The following FRYL variants were observed in gnomAD, a reference collection of about 807,000 sequenced individuals.
FRYL encodes FRY like transcription coactivator.
Under a neutral mutation model 351.2 loss-of-function variants are expected in FRYL, and 150 were observed. The ratio of observed to expected loss-of-function variants is 0.43; its 90% CI spans 0.37 to 0.49. The LOEUF is 0.49. FRYL is among the 20% of genes least tolerant of loss of function. The pLI is 0.00. For missense variants in FRYL, 3,036 were observed against 3,619.3 expected (o/e 0.84, Z 4.13); for synonymous variants, 1,153 against 1,257.1 (o/e 0.92, Z 1.75).
intron 1 of FRYL, among the ~76,000 whole-genome samples, chr4:48,735,976 A>T (rs10440177): frequency 0.013 from 9 of 710 alleles, no homozygotes; most frequent in Admixed American, 0.12. Context: ...TATAATAAAA[A>T]AAAAAAAAAA....
At chr4:48,551,384 G>T in intron 37 of FRYL, 110 bp downstream of exon 37, 2 of 594,502 alleles carry the variant, frequency 3.4e-6, no homozygotes, top group Non-Finnish European at 2.8e-6. Flanking sequence ...TTTTTCACTC[G>T]AATTTTAACA....
At chr4:48,689,661 C>T (rs1240452226) in intron 2 of FRYL, among the ~76,000 whole-genome samples, 1 of 152,150 alleles carries the variant, frequency 6.6e-6, no homozygotes, top group African/African-American at 2.4e-5. Flanking sequence ...ACAAAAATCC[C>T]TATCCTTGCG....
At chr4:48,517,331 C>A (rs1339440984) in intron 55 of FRYL, among the ~76,000 whole-genome samples, 1 of 152,144 alleles carries the variant, frequency 6.6e-6, no homozygotes, top group Non-Finnish European at 1.5e-5. Context: ...TTCACACCTG[C>A]AGTGGATTGT....
intron 50 of FRYL, among the ~76,000 whole-genome samples, chr4:48,529,740 G>C (rs1560544406): frequency 6.6e-6 from 1 of 152,100 alleles, no homozygotes; most frequent in Non-Finnish European, 1.5e-5. Flanking sequence ...TTCTTGAAAA[G>C]TTCCTCCCTT....
rs1313283982 is a variant in FRYL at position 48,713,105 on chromosome 4, G to A, written c.-383-2407C>T. Among the ~76,000 whole-genome samples the A allele has an allele frequency of 4.6e-5, 7 of 152,062 alleles. No individual in the cohort carries two copies. The East Asian group carries it at 1.4e-3, about 29-fold the overall frequency. The stretch of plus-strand genomic sequence containing the variant: ...CACTAAACATGGAAAGGAACGACCG[G>A]TACCAGCCGCTGCAAAATCATGCCA... On this transcript the variant is annotated intron_variant, in intron 1 of 63. Transcript: ENST00000358350.
chr4:48,638,404 G>A lies in FRYL; in HGVS notation c.-80-3914C>T, dbSNP rs955063647. On this transcript the variant is annotated intron_variant, in intron 3 of 63. Coordinates refer to ENST00000358350, the MANE Select transcript of FRYL (RefSeq NM_015030.2). ...AAAAAAATATCTGTGACTTTACAAT[G>A]AGATACCATCTCACGCCAGTTAGAA... is the stretch of plus-strand genomic sequence containing the variant. The A allele has an allele frequency of 8.5e-5, 13 of 152,246 alleles. No homozygotes were observed. In the East Asian group the frequency reaches 9.6e-4, roughly 11 times the overall value. 9.4% of individuals were successfully genotyped at this position (152,246 alleles called of 1,614,324 possible).
intron 1 of FRYL, among the ~76,000 whole-genome samples, chr4:48,745,401 C>T (rs1265868849): frequency 6.6e-6 from 1 of 152,160 alleles, no homozygotes; most frequent in East Asian, 1.9e-4. Flanking sequence ...GGCACATATA[C>T]ACCGTGGAAT....
intron 3 of FRYL, among the ~76,000 whole-genome samples, chr4:48,654,673 C>T (rs1010746749): frequency 3.3e-5 from 5 of 152,174 alleles, no homozygotes; most frequent in Non-Finnish European, 5.9e-5. Flanking sequence ...TAATATAGCA[C>T]ATAATTCCCA....
chr4:48,573,635 C>T (rs538822528), intron 25 of FRYL, among the ~76,000 whole-genome samples: 1 of 152,060 alleles, frequency 6.6e-6, no homozygotes, highest in African/African-American at 2.4e-5. Context: ...CTGCAACTTA[C>T]GCCTCCCGGA....
At chr4:48,521,023 T>C (rs1361306577) in intron 55 of FRYL, 25 bp downstream of exon 55, 1 of 1,577,032 alleles carries the variant, frequency 6.3e-7, no homozygotes, top group African/African-American at 1.4e-5. Flanking sequence ...AGATTGGCCA[T>C]GCACCAGCCT....
chr4:48,614,260 C>G (rs1748871168), intron 7 of FRYL, among the ~76,000 whole-genome samples: 1 of 152,032 alleles, frequency 6.6e-6, no homozygotes, highest in Non-Finnish European at 1.5e-5. Context: ...AACTGAATTT[C>G]CAAAGAAGAA....
chr4:48,748,855 G>A (rs1281036505), intron 1 of FRYL, among the ~76,000 whole-genome samples: 4 of 152,172 alleles, frequency 2.6e-5, no homozygotes, highest in Non-Finnish European at 5.9e-5. Context: ...GGGAGATGGC[G>A]TAGGGGTTGC....
At chr4:48,698,788 C>G (rs545985154) in intron 2 of FRYL, among the ~76,000 whole-genome samples, 1 of 152,148 alleles carries the variant, frequency 6.6e-6, no homozygotes, top group African/African-American at 2.4e-5. Context: ...ATATAAGAGT[C>G]AGTAGGCACC....
At chr4:48,679,760 T>G (rs1279238990) in intron 3 of FRYL, among the ~76,000 whole-genome samples, 2 of 152,038 alleles carry the variant, frequency 1.3e-5, no homozygotes, top group Non-Finnish European at 2.9e-5. Context: ...CACTATACAC[T>G]GTAAGTATCA....
rs547790134 is a variant in FRYL at position 48,708,806 on chromosome 4, C to G, written c.-204+1713G>C. Among the ~76,000 whole-genome samples the G allele has an allele frequency of 7.2e-5, 11 of 152,228 alleles. No individual in the cohort carries two copies. The South Asian group carries it at 1.7e-3, about 23-fold the overall frequency. On this transcript the variant is annotated intron_variant, in intron 2 of 63. Coordinates refer to ENST00000358350, the MANE Select transcript of FRYL (RefSeq NM_015030.2). ...ATGGGGTCTTGCTGTGTTGCCCAGG[C>G]TGGTCTCAAACTCTTGGCCTCAGGT...
Position 48,523,066 on chromosome 4 carries a change from C to T in FRYL, c.7356G>A (p.Arg2452=), listed in dbSNP as rs548690571. The change falls in exon 54 of 64, where the codon AGG becomes AGA. Residue 2452 remains arginine (R), a synonymous_variant. Transcript: ENST00000358350. The part of the protein sequence containing the change: ...SMDNFNWGVR[R]RSLDSIDKGD... ...CTTTGTCAATACTGTCCAGTGAGCG[C>T]CTGCGAACTCCCCAGTTGAAATTGT... is the stretch of plus-strand genomic sequence containing the variant. 2 of 1,613,762 alleles carry T rather than the reference C, an allele frequency of 1.2e-6. No homozygotes were observed. The highest frequency in any genetic ancestry group is 2.2e-5 in the East Asian group (1 of 44,862).
rs1339861461 is a variant in FRYL at position 48,542,055 on chromosome 4, G to T, written c.5659C>A (p.His1887Asn). 1.9e-6 allele frequency: 3 copies of T among 1,613,236 alleles called. No homozygotes were observed. Among genetic ancestry groups the T allele is most frequent in the Admixed American group, 1.7e-5 (1 of 59,976 alleles). The part of the protein sequence containing the change: ...AIDTLAETMK[H>N]YDLLSALSQT... Reference sequence around the variant, plus strand: ...GAAAGGGCAGAAAGAAGATCATAATGCTTCATGGTTTCAGCCAAAGTATCA... The same window carrying T: ...GAAAGGGCAGAAAGAAGATCATAATTCTTCATGGTTTCAGCCAAAGTATCA... The change falls in exon 45 of 64, where the codon CAT becomes AAT. Residue 1887 changes from histidine (H) to asparagine (N), a missense_variant. Transcript: ENST00000358350.
Position 48,718,964 on chromosome 4 carries a change from GC to G in FRYL, c.-383-8267del, listed in dbSNP as rs763271451. 4.2e-4 allele frequency among the ~76,000 whole-genome samples: 63 copies of G among 151,422 alleles called. 3 individuals carry two copies. The highest frequency in any genetic ancestry group is 6.3e-4 in the Non-Finnish European group (43 of 67,784). On this transcript the variant is annotated intron_variant, in intron 1 of 63. Transcript: ENST00000358350. ...CTCTCAACTTACTCCTGAACTATCA[GC>G]CATTTGCACTCTGACCCCAACTACT...
chr4:48,776,235 G>A (rs915878167), intron 1 of FRYL, among the ~76,000 whole-genome samples: 3 of 149,852 alleles, frequency 2.0e-5, no homozygotes, highest in African/African-American at 7.4e-5. Flanking sequence ...CCATCTTCCC[G>A]CCTCAGCCTC....
Sources: allele counts gnomAD v4.1 joint callset (sites outside exome capture counted in the v4.1 genomes callset), GRCh38; gene constraint gnomAD v4.1.1; transcripts MANE v1.5; gene names NCBI Gene and HGNC (gene_info 2026-07-23, HGNC 2026-07-21).